ERC1: variants seen among roughly 807,000 people sequenced by gnomAD.
The protein encoded by ERC1 is RAB6 interacting protein 2.
ERC1 carries 56 observed loss-of-function variants against 132.0 expected under a neutral mutation model. The observed-to-expected ratio is 0.42, with a 90% confidence interval of 0.34 to 0.53. The LOEUF (loss-of-function observed/expected upper bound fraction) is 0.53, where lower values mean the gene tolerates loss of function less well. Ranked by LOEUF, ERC1 falls within the 20% of genes least tolerant of loss-of-function variation. ERC1 has a pLI of 0.03. For synonymous variants in ERC1, 478 were observed against 476.1 expected (o/e 1.00, Z -0.05); for missense variants, 1,202 against 1,349.9 (o/e 0.89, Z 1.72).
At chr12:1,037,967 C>T (rs1259443981) in intron 2 of ERC1, among the ~76,000 whole-genome samples, 1 of 151,730 alleles carries the variant, frequency 6.6e-6, no homozygotes, top group East Asian at 1.9e-4. Flanking sequence ...TAGCGTGAAC[C>T]CGGGAGGCGG....
At chr12:1,268,043 G>A (rs953016284) in intron 14 of ERC1, among the ~76,000 whole-genome samples, 1 of 152,106 alleles carries the variant, frequency 6.6e-6, no homozygotes, top group Non-Finnish European at 1.5e-5. Context: ...AATCTCCTCT[G>A]TCATTTATGC....
rs2090442079 is a variant in ERC1, at chr12:1,395,395, A to C, written c.2926-12754A>C. On this transcript the variant is annotated intron_variant, in intron 16 of 18. Coordinates refer to ENST00000360905, the MANE Select transcript of ERC1 (RefSeq NM_178040.4). ...ATCTTTCAAAAATTAGGAGTGGAAT[A>C]GAAATTTTGTAGTTTTTTTTTTTTT... Among the ~76,000 whole-genome samples, 3 of 139,080 alleles carry C rather than the reference A, an allele frequency of 2.2e-5. No individual in the cohort carries two copies. The South Asian group carries it at 6.8e-4, about 31-fold the overall frequency. 91.2% of individuals were successfully genotyped at this position (139,080 alleles called of 152,430 possible). A position where few individuals can be genotyped will look rare whatever the true frequency, so the allele number is the denominator to read the frequency against.
At chr12:1,137,103 T>TC (rs1480513548) in intron 7 of ERC1, among the ~76,000 whole-genome samples, 6 of 144,166 alleles carry the variant, frequency 4.2e-5, no homozygotes, top group African/African-American at 1.6e-4. Flanking sequence ...TTCTTTTCTT[T>TC]TTTTTTTTTT....
At position 1,371,820 on chromosome 12, in the gene ERC1, C is replaced by T. The variant is rs779715800; in HGVS notation, c.2781-13C>T. 31 of 1,611,848 alleles carry T rather than the reference C, an allele frequency of 1.9e-5. No homozygotes were observed. The highest frequency in any genetic ancestry group is 2.6e-5 in the Non-Finnish European group (31 of 1,179,442). On this transcript the variant is annotated splice_polypyrimidine_tract_variant and intron_variant, in intron 15 of 18. Transcript: ENST00000360905. ...GGGTGAATGGCGCTGTTGGCATTTGCTTTCTTTTGCAGGCAAGAAGCTCTT... is the reference window on the plus strand; with the variant it reads ...GGGTGAATGGCGCTGTTGGCATTTGTTTTCTTTTGCAGGCAAGAAGCTCTT...
At chr12:1,167,038 A>G (rs1249899508) in intron 8 of ERC1, among the ~76,000 whole-genome samples, 3 of 152,222 alleles carry the variant, frequency 2.0e-5, no homozygotes, top group Non-Finnish European at 4.4e-5. Context: ...TGTTGTTAAT[A>G]CGCCACATTA....
At chr12:1,190,343 A>G in intron 12 of ERC1, 1 of 423,492 alleles carries the variant, frequency 2.4e-6, no homozygotes, top group East Asian at 5.7e-5. Flanking sequence ...CTGGCAAATC[A>G]AGAGAGGACA....
chr12:1,417,009 A>C (rs2092151941), intron 17 of ERC1, among the ~76,000 whole-genome samples: 2 of 152,128 alleles, frequency 1.3e-5, no homozygotes, highest in Admixed American at 1.3e-4. Flanking sequence ...GTATTGAATA[A>C]GAGTTCCTTA....
intron 18 of ERC1, among the ~76,000 whole-genome samples, chr12:1,454,268 A>C (rs938410872): frequency 6.6e-6 from 1 of 152,226 alleles, no homozygotes; most frequent in African/African-American, 2.4e-5. Flanking sequence ...TGCCCTGTGC[A>C]TCTCTTCATC....
chr12:1,332,478 A>G (rs2082942987), intron 15 of ERC1, among the ~76,000 whole-genome samples: 1 of 152,210 alleles, frequency 6.6e-6, no homozygotes, highest in Admixed American at 6.5e-5. Flanking sequence ...AAGGAGAACT[A>G]GATTGATTGT....
chr12:1,070,806 ATACAGAAC>A (rs1267647088), intron 2 of ERC1, among the ~76,000 whole-genome samples: 1 of 152,180 alleles, frequency 6.6e-6, no homozygotes, highest in Admixed American at 6.5e-5. Context: ...TTCTGTCAAG[ATACAGAAC>A]ATTTCCATCA....
intron 3 of ERC1, among the ~76,000 whole-genome samples, chr12:1,104,430 C>T (rs1439370905): frequency 1.3e-5 from 2 of 152,114 alleles, no homozygotes. Context: ...GATTATATTT[C>T]CCGGAGTTAT....
intron 7 of ERC1, among the ~76,000 whole-genome samples, chr12:1,128,346 A>C (rs753697121): frequency 2.6e-5 from 4 of 152,194 alleles, no homozygotes; most frequent in Non-Finnish European, 5.9e-5. Flanking sequence ...ATGTTGTTTC[A>C]TGACTATTGA....
chr12:1,110,453 G>T, intron 5 of ERC1, 106 bp downstream of exon 5: 1 of 901,504 alleles, frequency 1.1e-6, no homozygotes, highest in South Asian at 2.2e-5. Context: ...TCTTTTATCA[G>T]GTTTCAGGGA....
At chr12:1,075,739 A>C (rs1941238254) in intron 2 of ERC1, among the ~76,000 whole-genome samples, 1 of 152,174 alleles carries the variant, frequency 6.6e-6, no homozygotes, top group Non-Finnish European at 1.5e-5. Flanking sequence ...GAAAAGAAAA[A>C]AAAAGAAAAT....
At chr12:1,182,367 G>T (rs897108860) in intron 10 of ERC1, among the ~76,000 whole-genome samples, 2 of 152,190 alleles carry the variant, frequency 1.3e-5, no homozygotes, top group African/African-American at 4.8e-5. Context: ...GTGTGCTAAA[G>T]ATAAGAAAGT....
At chr12:1,277,025 T>C (rs550474498) in intron 14 of ERC1, among the ~76,000 whole-genome samples, 2 of 152,370 alleles carry the variant, frequency 1.3e-5, no homozygotes, top group East Asian at 3.9e-4. Context: ...GAAAGTTATT[T>C]ACATTTTTGT....
intron 17 of ERC1, among the ~76,000 whole-genome samples, chr12:1,429,114 G>C (rs1205143589): frequency 6.6e-6 from 1 of 152,180 alleles, no homozygotes; most frequent in Non-Finnish European, 1.5e-5. Context: ...TTCATTGATA[G>C]ATAGTCACTA....
chr12:1,004,807 TG>T (rs1963233529), intron 1 of ERC1, among the ~76,000 whole-genome samples: 1 of 126 alleles, frequency 7.9e-3, no homozygotes, highest in Non-Finnish European at 0.026. Flanking sequence ...TGCCTTTTTC[TG>T]TGTGTGTGTG....
At chr12:1,306,883 A>G (rs960597762) in intron 15 of ERC1, among the ~76,000 whole-genome samples, 1 of 152,188 alleles carries the variant, frequency 6.6e-6, no homozygotes, top group Non-Finnish European at 1.5e-5. Context: ...ATAAACTTTT[A>G]TGGATATATC....
Sources: allele counts gnomAD v4.1 joint callset (sites outside exome capture counted in the v4.1 genomes callset), GRCh38; gene constraint gnomAD v4.1.1; transcripts MANE v1.5; gene names NCBI Gene and HGNC (gene_info 2026-07-23, HGNC 2026-07-21).